CDH13: variants seen among roughly 807,000 people sequenced by gnomAD.
CDH13 encodes the protein cadherin-13.
Under a neutral mutation model 63.8 loss-of-function variants are expected in CDH13, and 24 were observed. That is an observed-to-expected ratio of 0.38 (90% confidence interval 0.27 to 0.53). CDH13 has a LOEUF of 0.53. Ranked by LOEUF, CDH13 falls within the 20% of genes least tolerant of loss-of-function variation. CDH13 has a pLI of 0.85. For missense variants in CDH13, 1,049 were observed against 903.1 expected, an observed-to-expected ratio of 1.16 and a Z score of -2.07; for synonymous variants, 503 against 355.3, an observed-to-expected ratio of 1.42 and a Z score of -4.67.
At chr16:83,726,082 T>C (rs1223577347) in intron 10 of CDH13, 1 of 152,266 alleles carries the variant, frequency 6.6e-6, no homozygotes, top group Non-Finnish European at 1.5e-5. Flanking sequence ...TGTAAAGTGT[T>C]GCATTTTCAT....
intron 6 of CDH13, among the ~76,000 whole-genome samples, chr16:83,448,489 G>C (rs1270848571): frequency 6.6e-6 from 1 of 152,146 alleles, no homozygotes; most frequent in Non-Finnish European, 1.5e-5. Flanking sequence ...CAGTGTCTCT[G>C]AGCTTCATGT....
intron 5 of CDH13, among the ~76,000 whole-genome samples, chr16:83,336,372 G>C (rs915973709): frequency 6.6e-6 from 1 of 151,948 alleles, no homozygotes; most frequent in African/African-American, 2.4e-5. Context: ...TTATAGACGG[G>C]TTCCAATAGA....
intron 2 of CDH13, among the ~76,000 whole-genome samples, chr16:82,866,377 C>CTTCTT (rs1219841320): frequency 4.1e-4 from 24 of 58,322 alleles, no homozygotes; most frequent in East Asian, 3.9e-3. Flanking sequence ...TTTTCTTCTT[C>CTTCTT]TTTTTTTTTT....
intron 7 of CDH13, among the ~76,000 whole-genome samples, chr16:83,562,300 C>T (rs1425737807): frequency 1.3e-5 from 2 of 152,054 alleles, no homozygotes; most frequent in African/African-American, 4.8e-5. Context: ...TTTCATCTTC[C>T]TGTGTCAGCA....
intron 2 of CDH13, among the ~76,000 whole-genome samples, chr16:82,890,273 C>T (rs1210730480): frequency 1.3e-5 from 2 of 152,146 alleles, no homozygotes; most frequent in African/African-American, 2.4e-5. Context: ...TCAACAATAG[C>T]CATCTAGAGT....
chr16:82,811,464 A>C (rs971231259), intron 1 of CDH13, among the ~76,000 whole-genome samples: 5 of 152,310 alleles, frequency 3.3e-5, no homozygotes, highest in Middle Eastern at 3.4e-3. Context: ...TGATATAATA[A>C]CTTTTTTCCT....
At chr16:83,023,725 A>T (rs892915529) in intron 2 of CDH13, among the ~76,000 whole-genome samples, 1 of 152,216 alleles carries the variant, frequency 6.6e-6, no homozygotes, top group South Asian at 2.1e-4. Context: ...TTTGAGAATC[A>T]CTGACACTTT....
intron 1 of CDH13, among the ~76,000 whole-genome samples, chr16:82,851,304 G>A (rs1033699386): frequency 2.0e-5 from 3 of 151,840 alleles, no homozygotes; most frequent in Admixed American, 6.6e-5. Context: ...GCATAGTGGC[G>A]GATGCCTGTA....
At chr16:83,421,990 T>C (rs1366569947) in intron 6 of CDH13, among the ~76,000 whole-genome samples, 6 of 152,256 alleles carry the variant, frequency 3.9e-5, no homozygotes, top group African/African-American at 1.4e-4. Flanking sequence ...AACTGTCATA[T>C]GAACAAGTGT....
chr16:83,479,395 G>T (rs750783558), intron 6 of CDH13, among the ~76,000 whole-genome samples: 3 of 152,096 alleles, frequency 2.0e-5, no homozygotes, highest in African/African-American at 7.2e-5. Flanking sequence ...AGCTGGGCGC[G>T]GTGGTTCACA....
At chr16:83,031,640 C>T (rs1039557266) in intron 2 of CDH13, among the ~76,000 whole-genome samples, 1 of 152,006 alleles carries the variant, frequency 6.6e-6, no homozygotes, top group African/African-American at 2.4e-5. Context: ...GTGCAGCTCT[C>T]CTCAATGGTC....
intron 1 of CDH13, among the ~76,000 whole-genome samples, chr16:82,679,386 A>G (rs1413129530): frequency 1.3e-5 from 2 of 152,200 alleles, no homozygotes; most frequent in African/African-American, 4.8e-5. Context: ...GAACTGTCCA[A>G]CATAATCTAG....
intron 1 of CDH13, among the ~76,000 whole-genome samples, chr16:82,809,829 C>A (rs1418070628): frequency 6.6e-6 from 1 of 152,164 alleles, no homozygotes; most frequent in East Asian, 1.9e-4. Flanking sequence ...AAAAATAATT[C>A]TTTCTGGACA....
At chr16:83,528,367 T>C (rs972724581) in intron 7 of CDH13, among the ~76,000 whole-genome samples, 1 of 152,192 alleles carries the variant, frequency 6.6e-6, no homozygotes, top group Non-Finnish European at 1.5e-5. Flanking sequence ...AAATTATTTT[T>C]CCATTAAGTC....
At chr16:83,328,691 C>A (rs1420966087) in intron 5 of CDH13, among the ~76,000 whole-genome samples, 1 of 152,124 alleles carries the variant, frequency 6.6e-6, no homozygotes, top group Non-Finnish European at 1.5e-5. Context: ...CTGATGGAAG[C>A]AGCTGATGGA....
At chr16:83,772,611 T>A (rs1321387156) in intron 11 of CDH13, among the ~76,000 whole-genome samples, 2 of 152,230 alleles carry the variant, frequency 1.3e-5, no homozygotes, top group African/African-American at 4.8e-5. Context: ...TGGATTCAAT[T>A]TTGTTCTACA....
intron 7 of CDH13, among the ~76,000 whole-genome samples, chr16:83,569,736 TTTTTG>T (rs1201699046): frequency 1.3e-5 from 2 of 151,968 alleles, no homozygotes; most frequent in East Asian, 1.9e-4. Context: ...GGTTTTTTTG[TTTTTG>T]TTTTGTTTTG....
At chr16:82,719,450 C>T (rs1567463561) in intron 1 of CDH13, 1 of 455,766 alleles carries the variant, frequency 2.2e-6, no homozygotes. Flanking sequence ...TTCCCACTTG[C>T]AGAAGGAAGG....
intron 7 of CDH13, among the ~76,000 whole-genome samples, chr16:83,508,997 G>C (rs942120097): frequency 1.3e-5 from 2 of 152,150 alleles, no homozygotes; most frequent in Admixed American, 6.5e-5. Flanking sequence ...GTGTGCATGA[G>C]TGCCTGTGGG....
Sources: allele counts gnomAD v4.1 joint callset (sites outside exome capture counted in the v4.1 genomes callset), GRCh38; gene constraint gnomAD v4.1.1; transcripts MANE v1.5; gene names NCBI Gene and HGNC (gene_info 2026-07-23, HGNC 2026-07-21).